Variants in MYBL1 observed in about 807,000 individuals in gnomAD.
MYBL1 encodes the protein myb-related protein A.
A neutral mutation model predicts 96.3 loss-of-function variants in MYBL1; 17 were observed. The observed-to-expected ratio is 0.18, with a 90% CI of 0.12 to 0.26. The LOEUF is 0.26. MYBL1 is among the 10% of genes least tolerant of loss of function. The pLI, the probability that MYBL1 is intolerant of heterozygous loss-of-function variation, is 1.00. For synonymous variants in MYBL1, 282 were observed against 292.7 expected (o/e 0.96, Z 0.37); for missense variants, 701 against 882.9 (o/e 0.79, Z 2.61).
intron 3 of MYBL1, among the ~76,000 whole-genome samples, chr8:66,600,953 C>G (rs1454518039): frequency 6.6e-6 from 1 of 151,772 alleles, no homozygotes; most frequent in Non-Finnish European, 1.5e-5. Context: ...GTTAGATCAC[C>G]TGAGGTCGGG....
intron 6 of MYBL1, among the ~76,000 whole-genome samples, chr8:66,594,424 AAATT>A (rs1465120878): frequency 1.3e-5 from 2 of 152,152 alleles, no homozygotes; most frequent in African/African-American, 2.4e-5. Context: ...TTATTAGTTT[AAATT>A]AATTGAATAA....
At chr8:66,604,529 G>A (rs569861378) in intron 1 of MYBL1, among the ~76,000 whole-genome samples, 1 of 151,422 alleles carries the variant, frequency 6.6e-6, no homozygotes, top group Admixed American at 6.6e-5. Flanking sequence ...AAAAAAAGAT[G>A]GTGTCCTACT....
chr8:66,595,486 A>T, intron 6 of MYBL1, 97 bp downstream of exon 6: 1 of 593,442 alleles, frequency 1.7e-6, no homozygotes, highest in Non-Finnish European at 2.6e-6. Flanking sequence ...TTTACCCCTT[A>T]ATACGCATTG....
chr8:66,566,143 G>A lies in MYBL1; in HGVS notation c.2051C>T (p.Thr684Ile). ...TTTAGTAAGTGTATATGTTTTGTTG[G>A]TTGAATTTATATCTTGTTTTTCAGG... ...LIPEKQDINS[T>I]NKTYTLTKKK... The change falls in exon 15 of 16, where the codon ACC (threonine) becomes ATC (isoleucine). Residue 684 changes from threonine (T) to isoleucine (I), a missense_variant. Transcript: ENST00000522677. 3 of 1,542,150 alleles carry A rather than the reference G, an allele frequency of 1.9e-6. No individual in the cohort carries two copies. Among genetic ancestry groups the A allele is most frequent in the Non-Finnish European group, 2.6e-6 (3 of 1,138,074 alleles).
chr8:66,610,126 A>G (rs911766824), intron 1 of MYBL1, among the ~76,000 whole-genome samples: 1 of 152,060 alleles, frequency 6.6e-6, no homozygotes. Flanking sequence ...TTTAAAGGGT[A>G]AAACTGACTT....
chr8:66,584,028 T>C (rs529135355), intron 8 of MYBL1, among the ~76,000 whole-genome samples: 3 of 152,220 alleles, frequency 2.0e-5, no homozygotes, highest in South Asian at 4.1e-4. Context: ...CTGATGAACA[T>C]AGATGCAAAA....
At chr8:66,574,081 AT>A (rs1808841694) in intron 10 of MYBL1, among the ~76,000 whole-genome samples, 1 of 152,152 alleles carries the variant, frequency 6.6e-6, no homozygotes. Flanking sequence ...AAATTATATA[AT>A]TTACAATTGT....
intron 3 of MYBL1, among the ~76,000 whole-genome samples, chr8:66,600,856 T>C (rs1297849055): frequency 6.6e-6 from 1 of 152,126 alleles, no homozygotes; most frequent in African/African-American, 2.4e-5. Flanking sequence ...CTACTCACAG[T>C]GTATTAAGGA....
intron 3 of MYBL1, among the ~76,000 whole-genome samples, chr8:66,601,402 A>C (rs954770929): frequency 1.2e-4 from 19 of 152,068 alleles, no homozygotes; most frequent in African/African-American, 4.1e-4. Context: ...TTTCTCACAG[A>C]ATGTTTTAAC....
chr8:66,585,490 C>T lies in MYBL1; in HGVS notation c.868-5124G>A, dbSNP rs142384012. 3.6e-4 allele frequency among the ~76,000 whole-genome samples: 55 copies of T among 152,252 alleles called. 2 individuals are homozygous for T. In the East Asian group the frequency reaches 0.01, roughly 29 times the overall value. On this transcript the variant is annotated intron_variant, in intron 8 of 15. Transcript: ENST00000522677. ...CACAGTGGCCTCATGCCTGTAATCC[C>T]AGCACTTTGGGAGGCCGAGGCAGGC... is the stretch of plus-strand genomic sequence containing the variant.
intron 7 of MYBL1, 70 bp downstream of exon 7, chr8:66,593,050 A>C (rs1413223566): frequency 1.1e-6 from 1 of 926,682 alleles, no homozygotes; most frequent in African/African-American, 1.7e-5. Context: ...ATGAGGAAAT[A>C]GATACTATTA....
chr8:66,593,635 T>C (rs1012373242), intron 6 of MYBL1, among the ~76,000 whole-genome samples: 1 of 152,182 alleles, frequency 6.6e-6, no homozygotes. Context: ...CTCCTACTTT[T>C]ATCACCACCC....
intron 8 of MYBL1, among the ~76,000 whole-genome samples, chr8:66,586,393 A>G (rs763101451): frequency 6.6e-6 from 1 of 152,158 alleles, no homozygotes; most frequent in Non-Finnish European, 1.5e-5. Flanking sequence ...ATATTTCTCA[A>G]AAGAAAACAT....
At chr8:66,612,456 C>T in intron 1 of MYBL1, 1 of 285,190 alleles carries the variant, frequency 3.5e-6, no homozygotes, top group Non-Finnish European at 6.5e-6. Context: ...CAAGTCCTCC[C>T]GGCAGGACAC....
chr8:66,571,890 A>G (rs1048970201), intron 12 of MYBL1, among the ~76,000 whole-genome samples: 1 of 148,692 alleles, frequency 6.7e-6, no homozygotes, highest in South Asian at 2.1e-4. Flanking sequence ...AAAAAAAAAA[A>G]GGAAAAAGGA....
chr8:66,578,245 T>G (rs1175733777), intron 9 of MYBL1, among the ~76,000 whole-genome samples: 1 of 150,738 alleles, frequency 6.6e-6, no homozygotes, highest in East Asian at 1.9e-4. Flanking sequence ...CTAATTAAAC[T>G]AAAGAGCTTC....
chr8:66,566,808 T>G lies in MYBL1; in HGVS notation c.1846-20A>C, dbSNP rs1808523090. ...GGTATTCTAGAATGAGTAATTTATG[T>G]AGAAGCTTTATGGCAAAGTCTCTTG... On this transcript the variant is annotated intron_variant, in intron 13 of 15. Coordinates refer to ENST00000522677, the MANE Select transcript of MYBL1 (RefSeq NM_001080416.4). 1 of 1,592,716 alleles carries G rather than the reference T, an allele frequency of 6.3e-7. No homozygotes were observed. Among genetic ancestry groups the G allele is most frequent in the African/African-American group, 1.3e-5 (1 of 74,358 alleles).
At chr8:66,579,049 G>C (rs1809090029) in intron 9 of MYBL1, among the ~76,000 whole-genome samples, 2 of 152,012 alleles carry the variant, frequency 1.3e-5, no homozygotes, top group Admixed American at 6.6e-5. Flanking sequence ...ATGGACACAG[G>C]AAGGGGAACA....
At chr8:66,578,634 G>T (rs2129808489) in intron 9 of MYBL1, among the ~76,000 whole-genome samples, 1 of 152,258 alleles carries the variant, frequency 6.6e-6, no homozygotes, top group South Asian at 2.1e-4. Context: ...CTGTTGGTGG[G>T]ACTGTAAACT....
Sources: gnomAD v4.1 joint callset for allele counts (sites outside exome capture counted in the v4.1 genomes callset) on GRCh38, gnomAD v4.1.1 for gene constraint, MANE v1.5 for transcripts, NCBI Gene and HGNC (gene_info 2026-07-23, HGNC 2026-07-21) for gene names.